MFNG: variants seen among roughly 807,000 people sequenced by gnomAD.
MFNG encodes MFNG O-fucosylpeptide 3-beta-N-acetylglucosaminyltransferase, also known as beta-1,3-N-acetylglucosaminyltransferase manic fringe.
A neutral mutation model predicts 34.2 loss-of-function variants in MFNG; 24 were observed. The ratio of observed to expected loss-of-function variants is 0.70; its 90% CI spans 0.51 to 0.99. The LOEUF is 0.99. Ranked by LOEUF, MFNG falls within the 50% of genes least tolerant of loss-of-function variation. The pLI, the probability that MFNG is intolerant of heterozygous loss-of-function variation, is 0.00. For synonymous variants in MFNG, 158 were observed against 179.2 expected (o/e 0.88, Z 0.94); for missense variants, 383 against 424.0 (o/e 0.90, Z 0.85).
Position 37,474,694 on chromosome 22 carries a change from G to A in MFNG, c.648-17C>T. The A allele has an allele frequency of 1.3e-6, 2 of 1,574,038 alleles. No homozygotes were observed. The highest frequency in any genetic ancestry group is 8.6e-7 in the Non-Finnish European group (1 of 1,158,316). Reference sequence around the variant, plus strand: ...CGGGAGCCACTGAGGGACAGAGCCAGACTGCAGACGCTGGCCCAGGCCCTC... The same window carrying A: ...CGGGAGCCACTGAGGGACAGAGCCAAACTGCAGACGCTGGCCCAGGCCCTC... On this transcript the variant is annotated splice_polypyrimidine_tract_variant and intron_variant, in intron 5 of 7. Transcript: ENST00000356998.
At chr22:37,471,826 A>G (rs2145725436) in intron 7 of MFNG, among the ~76,000 whole-genome samples, 1 of 117,074 alleles carries the variant, frequency 8.5e-6, no homozygotes, top group East Asian at 2.6e-4. Context: ...GCGAGGCTCC[A>G]TCTCAAAAAA....
At chr22:37,470,116 C>G (rs1226139292) in intron 7 of MFNG, 87 bp from the exon 8 acceptor site, 1 of 1,009,332 alleles carries the variant, frequency 9.9e-7, no homozygotes, top group Non-Finnish European at 1.5e-6. Flanking sequence ...GCCACAGAGG[C>G]GGTTTGGAGC....
intron 4 of MFNG, among the ~76,000 whole-genome samples, chr22:37,478,868 G>A (rs1050165473): frequency 1.3e-5 from 2 of 152,020 alleles, no homozygotes; most frequent in African/African-American, 2.4e-5. Flanking sequence ...TAGTAGAGAC[G>A]GGGTTTCACC....
Position 37,486,354 on chromosome 22 carries a change from G to A in MFNG, c.-177C>T. ...CCCAGAGGCTGAGCCATGGCAGCAC[G>A]ATCTCGACCGCCGCCAGTCCTCCAC... is the stretch of plus-strand genomic sequence containing the variant. On this transcript the variant is annotated 5_prime_UTR_variant, in exon 1 of 8. Transcript: ENST00000356998. 4 of 578,594 alleles carry A rather than the reference G, an allele frequency of 6.9e-6. No homozygotes were observed. The highest frequency in any genetic ancestry group is 1.1e-5 in the Non-Finnish European group (4 of 379,330). 35.8% of individuals were successfully genotyped at this position (578,594 alleles called of 1,614,324 possible).
Position 37,486,313 on chromosome 22 carries a change from G to C in MFNG, c.-136C>G, listed in dbSNP as rs1288052837. 6.0e-6 allele frequency: 6 copies of C among 1,008,028 alleles called. No individual in the cohort carries two copies. Among genetic ancestry groups the C allele is most frequent in the Non-Finnish European group, 8.2e-6 (6 of 730,824 alleles). 62.4% of individuals were successfully genotyped at this position (1,008,028 alleles called of 1,614,324 possible). On this transcript the variant is annotated 5_prime_UTR_variant, in exon 1 of 8. Coordinates refer to ENST00000356998, the MANE Select transcript of MFNG (RefSeq NM_002405.4). Reference sequence around the variant, plus strand: ...GGGCTGGCAAGGAGGGAAGAGGTAGGAGCTGAGGCTCTGGACCCAGAGGCT... The same window carrying C: ...GGGCTGGCAAGGAGGGAAGAGGTAGCAGCTGAGGCTCTGGACCCAGAGGCT...
At position 37,485,183 on chromosome 22, in the gene MFNG, GCA is replaced by G. The variant is rs112395451; in HGVS notation, c.255+738_255+739del. ...GCACACTCCAGCTCCGTGCGTGTGA[GCA>G]CACACACACACACACACACAATCCC... is the stretch of plus-strand genomic sequence containing the variant. On this transcript the variant is annotated intron_variant, in intron 1 of 7. Transcript: ENST00000356998. The surrounding 1 kb of genome is among the most constrained non-coding windows in gnomAD (Gnocchi z 5.3). 1.2e-3 allele frequency among the ~76,000 whole-genome samples: 173 copies of G among 149,602 alleles called. No homozygotes were observed. The highest frequency in any genetic ancestry group is 1.7e-3 in the South Asian group (8 of 4,734).
At chr22:37,470,076 C>A (rs201138687) in intron 7 of MFNG, 47 bp from the exon 8 acceptor site, 1,863 of 1,449,466 alleles carry the variant, frequency 1.3e-3, no homozygotes, top group Non-Finnish European at 1.7e-3. Context: ...CCCACTTCTG[C>A]TCTCAGCCCA....
At position 37,485,263 on chromosome 22, in the gene MFNG, C is replaced by G. The variant is rs1471769499; in HGVS notation, c.255+660G>C. Among the ~76,000 whole-genome samples the G allele has an allele frequency of 6.6e-6, 1 of 152,196 alleles. No individual in the cohort carries two copies. Among genetic ancestry groups the G allele is most frequent in the Non-Finnish European group, 1.5e-5 (1 of 68,036 alleles). Reference sequence around the variant, plus strand: ...CGGCCCACCACTGCCTCAGCCGCCACCCTCGTGGCATGCGCTCTCCTTCCC... The same window carrying G: ...CGGCCCACCACTGCCTCAGCCGCCAGCCTCGTGGCATGCGCTCTCCTTCCC... On this transcript the variant is annotated intron_variant, in intron 1 of 7. Coordinates refer to ENST00000356998, the MANE Select transcript of MFNG (RefSeq NM_002405.4). This position sits in a 1 kb window ranked among gnomAD's most constrained non-coding sequence, Gnocchi z 5.3.
Position 37,469,747 on chromosome 22 carries a change from T to C in MFNG, c.*216A>G. The C allele has an allele frequency of 1.5e-6, 1 of 673,910 alleles. No individual in the cohort carries two copies. The highest frequency in any genetic ancestry group is 2.8e-6 in the Non-Finnish European group (1 of 358,890). The allele number at this position is 673,910 out of a possible 1,614,324, so 41.7% of individuals were successfully genotyped here. ...CCCTGGAGCCTCTCTGGCCACCACC[T>C]GGTCCACCTGGTCCCCTGGGCTGTC... is the stretch of plus-strand genomic sequence containing the variant. On this transcript the variant is annotated 3_prime_UTR_variant, in exon 8 of 8. Coordinates refer to ENST00000356998, the MANE Select transcript of MFNG (RefSeq NM_002405.4).
rs547351387 is a variant in MFNG at position 37,482,011 on chromosome 22, C to T, written c.256-1242G>A. Among the ~76,000 whole-genome samples, 8 of 152,312 alleles carry T rather than the reference C, an allele frequency of 5.3e-5. No homozygotes were observed. The highest frequency in any genetic ancestry group is 8.8e-5 in the Non-Finnish European group (6 of 68,032). On this transcript the variant is annotated intron_variant, in intron 1 of 7. Transcript: ENST00000356998. This position sits in a 1 kb window ranked among gnomAD's most constrained non-coding sequence, Gnocchi z 4.1. ...TAAAACAAGATTGTGTGTAAAAGAGCAAGGAAGAGTTGACAGTGAAGTCAG... is the reference window on the plus strand; with the variant it reads ...TAAAACAAGATTGTGTGTAAAAGAGTAAGGAAGAGTTGACAGTGAAGTCAG...
rs1389531133 is a variant in MFNG at position 37,480,783 on chromosome 22, G to A, written c.256-14C>T. The A allele has an allele frequency of 1.9e-6, 3 of 1,612,508 alleles. No individual in the cohort carries two copies. In the African/African-American group the frequency reaches 4.0e-5, roughly 22 times the overall value. On this transcript the variant is annotated splice_polypyrimidine_tract_variant and intron_variant, in intron 1 of 7. Transcript: ENST00000356998. ...GAAGACAAATGTCTAGGAAGGAGAAGAAGGGGTCAGGACTCACATCGGCCC... is the reference window on the plus strand; with the variant it reads ...GAAGACAAATGTCTAGGAAGGAGAAAAAGGGGTCAGGACTCACATCGGCCC...
intron 6 of MFNG, 37 bp from the exon 7 acceptor site, chr22:37,472,565 C>T (rs1344143872): frequency 2.6e-6 from 4 of 1,528,140 alleles, no homozygotes; most frequent in Non-Finnish European, 3.5e-6. Flanking sequence ...GGGCATCACA[C>T]TGGGGATCCC....
At chr22:37,480,691 C>A (rs201989222) in intron 2 of MFNG, 30 bp downstream of exon 2, 2 of 1,609,826 alleles carry the variant, frequency 1.2e-6, no homozygotes, top group East Asian at 4.5e-5. Context: ...AGCTAAAGTC[C>A]CCCACCACAC....
In MFNG at chr22:37,486,169, G is replaced by A. The variant is rs1449770141; in HGVS notation, c.9C>T (p.Cys3=). 1 of 1,572,470 alleles carries A rather than the reference G, an allele frequency of 6.4e-7. No individual in the cohort carries two copies. Among genetic ancestry groups the A allele is most frequent in the Admixed American group, 1.7e-5 (1 of 57,246 alleles). ...CTCCAGCCAGGCCCCGCGGGAGCCGGCACTGCATTGGTTGGCCCTGGGACC... is the reference window on the plus strand; with the variant it reads ...CTCCAGCCAGGCCCCGCGGGAGCCGACACTGCATTGGTTGGCCCTGGGACC... MQ[C]RLPRGLAGAL... The change falls in exon 1 of 8, where the codon TGC becomes TGT. Residue 3 remains cysteine, a synonymous_variant. Coordinates refer to ENST00000356998, the MANE Select transcript of MFNG (RefSeq NM_002405.4).
chr22:37,474,116 A>G (rs1326632510), intron 6 of MFNG, among the ~76,000 whole-genome samples: 1 of 152,178 alleles, frequency 6.6e-6, no homozygotes, highest in Non-Finnish European at 1.5e-5. Context: ...GGCTCCTAAC[A>G]GGTAAAATTA....
rs927772524 is a variant in MFNG, at chr22:37,482,429, T to A, written c.256-1660A>T. The stretch of plus-strand genomic sequence containing the variant: ...GGGCTTCTCTCTCTGTCTCTCTCTC[T>A]CACACACACACACGCACACACACGC... On this transcript the variant is annotated intron_variant, in intron 1 of 7. Coordinates refer to ENST00000356998, the MANE Select transcript of MFNG (RefSeq NM_002405.4). The surrounding 1 kb of genome is among the most constrained non-coding windows in gnomAD (Gnocchi z 4.1). 9.3e-5 allele frequency among the ~76,000 whole-genome samples: 14 copies of A among 151,240 alleles called. No homozygotes were observed. The highest frequency in any genetic ancestry group is 8.4e-4 in the South Asian group (4 of 4,780).
Position 37,486,006 on chromosome 22 carries a change from T to TG in MFNG, c.171dup (p.Ile58HisfsTer19). 1.9e-6 allele frequency: 3 copies of TG among 1,614,068 alleles called. No individual in the cohort carries two copies. Among genetic ancestry groups the TG allele is most frequent in the African/African-American group, 1.3e-5 (1 of 75,050 alleles). The stretch of plus-strand genomic sequence containing the variant: ...AAAGCCCGGGTCGTCTTCACTGCAA[T>TG]GAAGACATCGTGTAGCTGTAGCTTA... On this transcript the variant is annotated frameshift_variant, in exon 1 of 8. Transcript: ENST00000356998. LOFTEE classifies it high-confidence loss of function.
At chr22:37,479,662 T>C (rs1449564787) in intron 3 of MFNG, among the ~76,000 whole-genome samples, 164 bp from the exon 4 acceptor site, 1 of 152,064 alleles carries the variant, frequency 6.6e-6, no homozygotes. Flanking sequence ...TGTAAGCTCA[T>C]GAGGAGGGTA....
chr22:37,469,753 A>G lies in MFNG; in HGVS notation c.*210T>C, dbSNP rs1238036959. 1.5e-6 allele frequency: 1 copy of G among 682,238 alleles called. No homozygotes were observed. Among genetic ancestry groups the G allele is most frequent in the Non-Finnish European group, 2.7e-6 (1 of 363,744 alleles). 42.3% of individuals were successfully genotyped at this position (682,238 alleles called of 1,614,324 possible). A position where few individuals can be genotyped will look rare whatever the true frequency, so the allele number is the denominator to read the frequency against. The stretch of plus-strand genomic sequence containing the variant: ...AGCCTCTCTGGCCACCACCTGGTCC[A>G]CCTGGTCCCCTGGGCTGTCTAACTC... On this transcript the variant is annotated 3_prime_UTR_variant, in exon 8 of 8. Coordinates refer to ENST00000356998, the MANE Select transcript of MFNG (RefSeq NM_002405.4).
Sources: gnomAD v4.1 joint callset for allele counts (sites outside exome capture counted in the v4.1 genomes callset) on GRCh38, gnomAD v4.1.1 for gene constraint, Gnocchi (gnomAD v3.1) non-coding constraint, MANE v1.5 for transcripts, NCBI Gene and HGNC (gene_info 2026-07-23, HGNC 2026-07-21) for gene names.